Variants in MSI2 observed in about 807,000 individuals in gnomAD.
The protein encoded by MSI2 is musashi RNA binding protein 2.
MSI2 carries 17 observed loss-of-function variants against 45.6 expected under a neutral mutation model. That is an observed-to-expected ratio of 0.37 (90% CI 0.26 to 0.56). The LOEUF is 0.56. Ranked by LOEUF, MSI2 falls within the 20% of genes least tolerant of loss-of-function variation. The pLI, the probability that MSI2 is intolerant of heterozygous loss-of-function variation, is 0.77. For synonymous variants in MSI2, 156 were observed against 158.2 expected (o/e 0.99, Z 0.11); for missense variants, 293 against 444.2 (o/e 0.66, Z 3.06).
In MSI2 at chr17:57,601,662, G is replaced by C. The variant is rs1443923666; in HGVS notation, c.537+4712G>C. On this transcript the variant is annotated intron_variant, in intron 8 of 13. Transcript: ENST00000284073. ...GCCTAGAGCTTGAAATGATGTTGGG[G>C]AGCCATCACCACCCTCATTGGGTGA... 4 of 152,366 alleles carry C rather than the reference G, an allele frequency of 2.6e-5. No individual in the cohort carries two copies. The East Asian group carries it at 7.7e-4, about 29-fold the overall frequency. The allele number at this position is 152,366 out of a possible 1,614,324, so 9.4% of individuals were successfully genotyped here.
chr17:57,698,754 G>C, the MSI2 span, among the ~76,000 whole-genome samples: 1 of 152,070 alleles, frequency 6.6e-6, no homozygotes, highest in Non-Finnish European at 1.5e-5. Context: ...ATACAGTCAA[G>C]TCACGTGTTT....
intron 7 of MSI2, among the ~76,000 whole-genome samples, chr17:57,577,098 G>A (rs531139581): frequency 3.9e-5 from 6 of 152,334 alleles, no homozygotes; most frequent in Admixed American, 6.5e-5. Flanking sequence ...GAACCAAGGA[G>A]ACTCGAATAA....
chr17:57,558,381 C>T (rs1016197624), intron 7 of MSI2, among the ~76,000 whole-genome samples: 6 of 152,126 alleles, frequency 3.9e-5, no homozygotes, highest in East Asian at 1.9e-4. Flanking sequence ...GTTCCCCTTT[C>T]GCCTCTGCTG....
intron 7 of MSI2, among the ~76,000 whole-genome samples, chr17:57,541,606 G>C (rs2087047776): frequency 1.3e-5 from 2 of 152,156 alleles, no homozygotes; most frequent in Admixed American, 6.5e-5. Flanking sequence ...GAATTTTTAA[G>C]CTAAATTAAT....
chr17:57,289,224 G>T (rs1189704537), intron 5 of MSI2, among the ~76,000 whole-genome samples: 1 of 152,184 alleles, frequency 6.6e-6, no homozygotes, highest in East Asian at 1.9e-4. Flanking sequence ...TTCCCTTTTG[G>T]TTAAGTGAAA....
intron 5 of MSI2, among the ~76,000 whole-genome samples, chr17:57,275,710 G>A (rs769823220): frequency 1.9e-4 from 29 of 152,158 alleles, no homozygotes; most frequent in Non-Finnish European, 1.9e-4. Context: ...GATGGAGTGC[G>A]TGTGAATGTT....
intron 6 of MSI2, among the ~76,000 whole-genome samples, chr17:57,410,008 C>CAAA (rs59098048): frequency 0.085 from 5,255 of 61,654 alleles, 500 homozygotes; most frequent in South Asian, 0.25. Flanking sequence ...ACTCTGTCTC[C>CAAA]AAAAAAAAAA....
At chr17:57,649,013 C>T (rs17221671) in intron 10 of MSI2, among the ~76,000 whole-genome samples, 22,007 of 152,160 alleles carry the variant, frequency 0.14, 2,127 homozygotes, top group East Asian at 0.45. Flanking sequence ...CTGTGTCCTG[C>T]GAAGGGCCTG....
intron 5 of MSI2, among the ~76,000 whole-genome samples, chr17:57,382,339 G>T (rs985534472): frequency 6.6e-6 from 1 of 152,170 alleles, no homozygotes; most frequent in Non-Finnish European, 1.5e-5. Context: ...GAGTGCTGAG[G>T]TGTGGGCGGA....
chr17:57,532,480 G>A (rs111432444), intron 7 of MSI2: 2 of 152,076 alleles, frequency 1.3e-5, no homozygotes, highest in Non-Finnish European at 2.9e-5. Context: ...TGCTAAAGTT[G>A]GTGTAATACT....
At chr17:57,325,969 C>T (rs74725774) in intron 5 of MSI2, among the ~76,000 whole-genome samples, 2 of 152,270 alleles carry the variant, frequency 1.3e-5, no homozygotes, top group East Asian at 3.9e-4. Flanking sequence ...CTACCTCCTG[C>T]CTTTGCATCT....
intron 5 of MSI2, among the ~76,000 whole-genome samples, chr17:57,325,621 C>CT (rs943239240): frequency 1.3e-5 from 2 of 152,176 alleles, no homozygotes; most frequent in Non-Finnish European, 2.9e-5. Context: ...GGCTATTCCT[C>CT]TTTTTTACCC....
intron 5 of MSI2, among the ~76,000 whole-genome samples, chr17:57,337,798 C>T (rs971551394): frequency 6.6e-6 from 1 of 152,164 alleles, no homozygotes; most frequent in Non-Finnish European, 1.5e-5. Context: ...AGATTCAAAA[C>T]ATATAGAAAA....
chr17:57,378,025 A>G (rs979068811), intron 5 of MSI2, among the ~76,000 whole-genome samples: 8 of 151,070 alleles, frequency 5.3e-5, no homozygotes, highest in African/African-American at 1.9e-4. Flanking sequence ...CAGTGAACCG[A>G]GATTGCACCA....
chr17:57,535,790 G>A (rs1265454186), intron 7 of MSI2, among the ~76,000 whole-genome samples: 1 of 152,238 alleles, frequency 6.6e-6, no homozygotes, highest in Non-Finnish European at 1.5e-5. Flanking sequence ...TGGCCGGAGA[G>A]CTTGGGTTCT....
rs567963188 is a variant in MSI2, at chr17:57,564,804, A to G, written c.455-32064A>G. Reference sequence around the variant, plus strand: ...GCGAGCACACAGTAGGTACTGAGTAATGCAGTTATGAACCCCTGCTGCACT... The same window carrying G: ...GCGAGCACACAGTAGGTACTGAGTAGTGCAGTTATGAACCCCTGCTGCACT... On this transcript the variant is annotated intron_variant, in intron 7 of 13. Transcript: ENST00000284073. Among the ~76,000 whole-genome samples the G allele has an allele frequency of 9.2e-5, 14 of 152,276 alleles. No homozygotes were observed. The East Asian group carries it at 2.5e-3, about 27-fold the overall frequency.
intron 6 of MSI2, among the ~76,000 whole-genome samples, chr17:57,424,607 T>C (rs2084457721): frequency 6.6e-6 from 1 of 152,184 alleles, no homozygotes; most frequent in Non-Finnish European, 1.5e-5. Context: ...CATTAACACA[T>C]GACTATCTAG....
At position 57,677,032 on chromosome 17, in the gene MSI2, G is replaced by C. The variant is rs1370434878; in HGVS notation, c.*4G>C. The C allele has an allele frequency of 3.1e-6, 5 of 1,613,782 alleles. No individual in the cohort carries two copies. In the African/African-American group the frequency reaches 6.7e-5, roughly 22 times the overall value. On this transcript the variant is annotated 3_prime_UTR_variant, in exon 13 of 14. Transcript: ENST00000284073. ...CTTTACAAATGGATACCATTGAGCAGGTGCTTTCGTTGCCATCTCACTCTG... is the reference window on the plus strand; with the variant it reads ...CTTTACAAATGGATACCATTGAGCACGTGCTTTCGTTGCCATCTCACTCTG...
chr17:57,418,431 T>C (rs2084335553), intron 6 of MSI2, among the ~76,000 whole-genome samples: 1 of 152,210 alleles, frequency 6.6e-6, no homozygotes. Context: ...GAAAAATCTT[T>C]TGGAGTAAGT....
Sources: gnomAD v4.1 joint callset for allele counts (sites outside exome capture counted in the v4.1 genomes callset) on GRCh38, gnomAD v4.1.1 for gene constraint, MANE v1.5 for transcripts, NCBI Gene and HGNC (gene_info 2026-07-23, HGNC 2026-07-21) for gene names.